The following RBFOX2 variants were observed in gnomAD, a reference collection of about 807,000 sequenced individuals.
RBFOX2 encodes the protein RNA binding fox-1 homolog 2, also known as RNA binding protein fox-1 homolog 2.
In RBFOX2, 10 loss-of-function variants were observed where a neutral mutation model predicts 49.1. The ratio of observed to expected loss-of-function variants is 0.20; its 90% CI spans 0.13 to 0.35. RBFOX2 has a LOEUF of 0.35. RBFOX2 is among the 10% of genes least tolerant of loss of function. The pLI is 1.00. For synonymous variants in RBFOX2, 183 were observed against 187.4 expected, an observed-to-expected ratio of 0.98 and a Z score of 0.19; for missense variants, 323 against 486.9, an observed-to-expected ratio of 0.66 and a Z score of 3.17.
chr22:35,933,754 G>A (rs576149293), intron 1 of RBFOX2, among the ~76,000 whole-genome samples: 36 of 151,794 alleles, frequency 2.4e-4, no homozygotes, highest in African/African-American at 8.7e-4. Flanking sequence ...CTAATAAAGG[G>A]ACGCTTTTAA....
intron 1 of RBFOX2, among the ~76,000 whole-genome samples, chr22:35,834,300 T>A (rs1957277694): frequency 6.6e-6 from 1 of 152,306 alleles, no homozygotes; most frequent in East Asian, 1.9e-4. Flanking sequence ...AATGAGTTAA[T>A]GAGGGTAAAG....
chr22:36,016,595 C>T lies in RBFOX2; in HGVS notation c.186+11645G>A, dbSNP rs553707721. The stretch of plus-strand genomic sequence containing the variant: ...GGAGAAACCAAGGAACCAGCCTATA[C>T]ATGGGAAAAATCCCACACACCAAGG... On this transcript the variant is annotated intron_variant, in intron 1 of 13. Transcript: ENST00000438146. 1.2e-4 allele frequency among the ~76,000 whole-genome samples: 18 copies of T among 152,332 alleles called. 1 individual carries two copies. The South Asian group carries it at 3.5e-3, about 30-fold the overall frequency.
At chr22:35,853,485 T>G (rs866511111) in intron 1 of RBFOX2, among the ~76,000 whole-genome samples, 1 of 151,962 alleles carries the variant, frequency 6.6e-6, no homozygotes, top group Non-Finnish European at 1.5e-5. Context: ...ACTAAAAAAT[T>G]TATTGTGTAA....
intron 1 of RBFOX2, among the ~76,000 whole-genome samples, chr22:36,020,122 A>AT (rs1251104084): frequency 2.0e-5 from 3 of 152,224 alleles, no homozygotes; most frequent in Admixed American, 2.0e-4. Flanking sequence ...TCTTTGACAA[A>AT]CCTGACAAAA....
At chr22:35,773,795 T>G (rs528127845) in intron 4 of RBFOX2, among the ~76,000 whole-genome samples, 9 of 152,170 alleles carry the variant, frequency 5.9e-5, no homozygotes, top group African/African-American at 1.7e-4. Context: ...TTAATAAGCT[T>G]GATAATTATC....
intron 2 of RBFOX2, among the ~76,000 whole-genome samples, chr22:35,802,923 A>G (rs532604767): frequency 9.9e-5 from 15 of 152,200 alleles, no homozygotes; most frequent in Non-Finnish European, 2.1e-4. Context: ...GCACTTCCCA[A>G]TCAACCTGGA....
chr22:35,926,027 C>G (rs1421653822), intron 1 of RBFOX2, among the ~76,000 whole-genome samples: 3 of 152,148 alleles, frequency 2.0e-5, no homozygotes, highest in Admixed American at 2.0e-4. Context: ...GCAGCTAATG[C>G]TATTAAGAAA....
intron 9 of RBFOX2, among the ~76,000 whole-genome samples, chr22:35,750,980 C>T (rs946064307): frequency 3.9e-5 from 6 of 152,314 alleles, no homozygotes; most frequent in African/African-American, 4.8e-5. Context: ...AATGTCATCT[C>T]CTAGGGCTTT....
At chr22:35,781,822 AT>A in intron 2 of RBFOX2, 76 bp from the exon 4 acceptor site, 1 of 1,581,978 alleles carries the variant, frequency 6.3e-7, no homozygotes, top group Non-Finnish European at 8.6e-7. Context: ...CACAGCAATC[AT>A]CCCCAAACAG....
intron 1 of RBFOX2, among the ~76,000 whole-genome samples, chr22:35,850,047 A>AT (rs1223126695): frequency 6.6e-6 from 1 of 152,070 alleles, no homozygotes; most frequent in African/African-American, 2.4e-5. Flanking sequence ...AAAATAATAT[A>AT]TATGTTCCAG....
At chr22:35,870,313 C>G (rs1346017122) in intron 1 of RBFOX2, among the ~76,000 whole-genome samples, 1 of 151,912 alleles carries the variant, frequency 6.6e-6, no homozygotes, top group African/African-American at 2.4e-5. Context: ...TTGAGACCAG[C>G]CTGGCCAACA....
chr22:35,934,758 C>T (rs2052857356), intron 1 of RBFOX2, among the ~76,000 whole-genome samples: 1 of 152,116 alleles, frequency 6.6e-6, no homozygotes. Context: ...TATATAAAAA[C>T]CCTAGAGCTG....
chr22:36,027,200 T>G (rs1301416971), intron 1 of RBFOX2, among the ~76,000 whole-genome samples: 3 of 152,088 alleles, frequency 2.0e-5, no homozygotes, highest in Non-Finnish European at 2.9e-5. Context: ...CTACTATGAG[T>G]AAGAATCTTC....
At chr22:35,758,185 T>C (rs1937532654) in intron 9 of RBFOX2, among the ~76,000 whole-genome samples, 2 of 152,098 alleles carry the variant, frequency 1.3e-5, no homozygotes, top group African/African-American at 2.4e-5. Context: ...AAAGAAAACA[T>C]GGGAAATCAG....
chr22:35,880,147 T>G (rs2045694068), intron 1 of RBFOX2, among the ~76,000 whole-genome samples: 1 of 149,540 alleles, frequency 6.7e-6, no homozygotes, highest in East Asian at 1.9e-4. Context: ...AGAGCGAGAC[T>G]GAGGAAAAAA....
chr22:35,950,943 G>A (rs1261317809), intron 1 of RBFOX2, among the ~76,000 whole-genome samples: 2 of 149,784 alleles, frequency 1.3e-5, no homozygotes, highest in African/African-American at 4.9e-5. Flanking sequence ...TCCTCTTATG[G>A]TAAAGAATTC....
intron 2 of RBFOX2, among the ~76,000 whole-genome samples, chr22:35,808,211 A>G (rs1352416256): frequency 6.6e-6 from 1 of 152,216 alleles, no homozygotes; most frequent in South Asian, 2.1e-4. Context: ...TCAATACATC[A>G]GCCTGTACGT....
intron 1 of RBFOX2, among the ~76,000 whole-genome samples, chr22:35,901,790 G>A (rs1389791565): frequency 1.3e-5 from 2 of 152,102 alleles, no homozygotes; most frequent in African/African-American, 4.8e-5. Context: ...ACAGAAGACT[G>A]CATTATCTTG....
chr22:35,756,082 A>C (rs1327682354), intron 9 of RBFOX2, 23 bp downstream of exon 11: 1 of 1,343,514 alleles, frequency 7.4e-7, no homozygotes, highest in Admixed American at 2.9e-5. Context: ...TGGGGTCGAG[A>C]AGGCCCCAGT....
Sources: allele counts gnomAD v4.1 joint callset (sites outside exome capture counted in the v4.1 genomes callset), GRCh38; gene constraint gnomAD v4.1.1; transcripts MANE v1.5; gene names NCBI Gene and HGNC (gene_info 2026-07-23, HGNC 2026-07-21).